Variants in LATS1 observed in about 807,000 individuals in gnomAD.
The protein encoded by LATS1 is large tumor suppressor kinase 1, also known as serine/threonine-protein kinase LATS1.
In LATS1, 25 loss-of-function variants were observed where a neutral mutation model predicts 106.6. The observed-to-expected ratio is 0.23, with a 90% CI of 0.17 to 0.33. The LOEUF (loss-of-function observed/expected upper bound fraction) is 0.33, where lower values mean the gene tolerates loss of function less well. Ranked by LOEUF, LATS1 falls within the 10% of genes least tolerant of loss-of-function variation. The pLI, the probability that LATS1 is intolerant of heterozygous loss-of-function variation, is 1.00. For missense variants in LATS1, 1,040 were observed against 1,382.6 expected (o/e 0.75, Z 3.93); for synonymous variants, 465 against 455.6 (o/e 1.02, Z -0.26).
chr6:149,683,403 A>G lies in LATS1; in HGVS notation c.1686T>C (p.His562=). The change falls in exon 4 of 8, where the codon CAT becomes CAC. Residue 562 remains histidine (H), a synonymous_variant. Transcript: ENST00000543571. The part of the protein sequence containing the change: ...YQGPPPPYPK[H]LLHQNPSVPP... ...GAACAGATGGGTTTTGGTGCAGCAG[A>G]TGTTTTGGGTAGGGTGGTGGTGGTC... The G allele has an allele frequency of 6.2e-7, 1 of 1,614,094 alleles. No individual in the cohort carries two copies. Among genetic ancestry groups the G allele is most frequent in the Admixed American group, 1.7e-5 (1 of 59,990 alleles).
chr6:149,698,336 G>A (rs1210572488), intron 2 of LATS1, among the ~76,000 whole-genome samples: 1 of 150,494 alleles, frequency 6.6e-6, no homozygotes, highest in Admixed American at 6.6e-5. Flanking sequence ...CCAATCTCCT[G>A]GGTTTGAGTG....
intron 1 of LATS1, among the ~76,000 whole-genome samples, chr6:149,706,183 CAAAAAAAAAAAAAAAAAAAAAAAAAAAAA>C (rs60729757): frequency 4.0e-5 from 1 of 25,268 alleles, no homozygotes; most frequent in Non-Finnish European, 7.1e-5. Context: ...AACCCGGTCG[CAAAAAAAAAAAAAAAAAAAAAAAAAAAAA>C]AAAAAAAAAA....
chr6:149,695,708 C>G (rs1035197873), intron 2 of LATS1, among the ~76,000 whole-genome samples: 1 of 151,710 alleles, frequency 6.6e-6, no homozygotes, highest in Admixed American at 6.6e-5. Flanking sequence ...AAAACAAAAC[C>G]CTCAAATCTT....
chr6:149,692,312 T>C, intron 3 of LATS1, among the ~76,000 whole-genome samples: 1 of 152,150 alleles, frequency 6.6e-6, no homozygotes, highest in East Asian at 1.9e-4. Flanking sequence ...AAAGCAGCCA[T>C]GCAAAGGGAC....
chr6:149,704,887 T>TACACACACACAC (rs57029776), intron 1 of LATS1, among the ~76,000 whole-genome samples: 2,347 of 139,800 alleles, frequency 0.017, 49 homozygotes, highest in African/African-American at 0.046. Context: ...AAATTAATTA[T>TACACACACACAC]ACACACACAC....
chr6:149,679,409 G>A (rs903860837), intron 5 of LATS1, among the ~76,000 whole-genome samples: 3 of 151,708 alleles, frequency 2.0e-5, no homozygotes, highest in South Asian at 2.1e-4. Context: ...AAAATTAGCC[G>A]GGCGTACTGG....
chr6:149,685,600 G>A (rs1782330775), intron 3 of LATS1, among the ~76,000 whole-genome samples: 2 of 152,058 alleles, frequency 1.3e-5, no homozygotes, highest in Admixed American at 1.3e-4. Context: ...TAGCGAGGCT[G>A]GTCTTAAACT....
At chr6:149,701,152 T>C (rs1217551070) in intron 2 of LATS1, among the ~76,000 whole-genome samples, 1 of 152,196 alleles carries the variant, frequency 6.6e-6, no homozygotes, top group Non-Finnish European at 1.5e-5. Context: ...TCCTGACACC[T>C]AAAATATTCA....
chr6:149,659,955 ATATCACATGC>A lies in LATS1; in HGVS notation c.*1764_*1773del, dbSNP rs1303218930. 3 of 231,350 alleles carry A rather than the reference ATATCACATGC, an allele frequency of 1.3e-5. No individual in the cohort carries two copies. Among genetic ancestry groups the A allele is most frequent in the African/African-American group, 6.6e-5 (3 of 45,282 alleles). The allele number at this position is 231,350 out of a possible 1,614,324, so 14.3% of individuals were successfully genotyped here. A position where few individuals can be genotyped will look rare whatever the true frequency, so the allele number is the denominator to read the frequency against. On this transcript the variant is annotated 3_prime_UTR_variant, in exon 8 of 8. Coordinates refer to ENST00000543571, the MANE Select transcript of LATS1 (RefSeq NM_004690.4). ...AGAGAGGCATTCATAAGGTCACCTT[ATATCACATGC>A]TACAGACCTTTTCCATCACAAATTA...
rs551552197 is a variant in LATS1 at position 149,660,223 on chromosome 6, A to G, written c.*1506T>C. 3 of 232,896 alleles carry G rather than the reference A, an allele frequency of 1.3e-5. No individual in the cohort carries two copies. The East Asian group carries it at 1.8e-4, about 14-fold the overall frequency. The allele number at this position is 232,896 out of a possible 1,614,324, so 14.4% of individuals were successfully genotyped here. Reference sequence around the variant, plus strand: ...ATTCTCAAAAGAACCACTAACCCCAAAAGACGCACGATAACACAGTAGTGG... The same window carrying G: ...ATTCTCAAAAGAACCACTAACCCCAGAAGACGCACGATAACACAGTAGTGG... On this transcript the variant is annotated 3_prime_UTR_variant, in exon 8 of 8. Transcript: ENST00000543571.
chr6:149,690,009 TA>T (rs1427934878), intron 3 of LATS1, among the ~76,000 whole-genome samples: 1 of 151,686 alleles, frequency 6.6e-6, no homozygotes, highest in Non-Finnish European at 1.5e-5. Flanking sequence ...CACTCCCATA[TA>T]TAGAGCTCTA....
At chr6:149,680,560 C>T (rs1432792815) in intron 4 of LATS1, 103 bp from the exon 5 acceptor site, 1 of 772,054 alleles carries the variant, frequency 1.3e-6, no homozygotes, top group African/African-American at 1.8e-5. Flanking sequence ...AGGTTAAATG[C>T]ATAATTTTTA....
chr6:149,714,260 C>G (rs1173375846), intron 1 of LATS1, among the ~76,000 whole-genome samples: 2 of 152,156 alleles, frequency 1.3e-5, no homozygotes, highest in African/African-American at 4.8e-5. Context: ...GCATGAGCTA[C>G]CACGCCCAGC....
intron 1 of LATS1, among the ~76,000 whole-genome samples, chr6:149,717,098 T>C (rs1030954455): frequency 3.3e-5 from 5 of 152,244 alleles, no homozygotes; most frequent in African/African-American, 9.6e-5. Context: ...TATTGTTCAC[T>C]AGATTTATGA....
chr6:149,676,335 A>G lies in LATS1; in HGVS notation c.2808T>C (p.Val936=). 6.2e-7 allele frequency: 1 copy of G among 1,613,254 alleles called. No individual in the cohort carries two copies. Among genetic ancestry groups the G allele is most frequent in the Non-Finnish European group, 8.5e-7 (1 of 1,179,202 alleles). ...GYTQLCDWWS[V]GVILFEMLVG... Reference sequence around the variant, plus strand: ...CCAACATTTCAAAAAGAATAACACCAACACTCCACCAATCACACAACTGTG... The same window carrying G: ...CCAACATTTCAAAAAGAATAACACCGACACTCCACCAATCACACAACTGTG... Residue 936 remains valine (V), a synonymous_variant, in exon 7 of 8, where the codon GTT becomes GTC. Coordinates refer to ENST00000543571, the MANE Select transcript of LATS1 (RefSeq NM_004690.4).
At chr6:149,690,608 G>A (rs547502376) in intron 3 of LATS1, among the ~76,000 whole-genome samples, 3 of 151,222 alleles carry the variant, frequency 2.0e-5, no homozygotes, top group South Asian at 2.1e-4. Flanking sequence ...GTGCAGCGGC[G>A]CAATCACAGC....
At chr6:149,697,216 G>T (rs1357147859) in intron 2 of LATS1, 11 of 1,042,706 alleles carry the variant, frequency 1.1e-5, no homozygotes, top group Non-Finnish European at 1.5e-5. Flanking sequence ...AAGAATGTGA[G>T]ACCAACCAAA....
At chr6:149,674,989 C>T (rs1019007898) in intron 7 of LATS1, among the ~76,000 whole-genome samples, 4 of 152,046 alleles carry the variant, frequency 2.6e-5, no homozygotes, top group Admixed American at 1.3e-4. Flanking sequence ...GAGGCCGAGG[C>T]GGGCAGATCA....
At chr6:149,701,606 T>C (rs1783466290) in intron 2 of LATS1, among the ~76,000 whole-genome samples, 173 bp downstream of exon 2, 1 of 152,226 alleles carries the variant, frequency 6.6e-6, no homozygotes, top group African/African-American at 2.4e-5. Context: ...AAATATTATT[T>C]TTAATAGTAA....
Sources: gnomAD v4.1 joint callset for allele counts (sites outside exome capture counted in the v4.1 genomes callset) on GRCh38, gnomAD v4.1.1 for gene constraint, MANE v1.5 for transcripts, NCBI Gene and HGNC (gene_info 2026-07-23, HGNC 2026-07-21) for gene names.